The following NELFB variants were observed in gnomAD, a reference collection of about 807,000 sequenced individuals.
NELFB encodes negative elongation factor complex member B, also known as negative elongation factor B.
Under a neutral mutation model 60.2 loss-of-function variants are expected in NELFB, and 34 were observed. The observed-to-expected ratio is 0.56, with a 90% confidence interval of 0.43 to 0.75. The LOEUF is 0.75. NELFB is among the 30% of genes least tolerant of loss of function. The pLI is 0.00. For synonymous variants in NELFB, 459 were observed against 382.1 expected (o/e 1.20, Z -2.35); for missense variants, 770 against 831.6 (o/e 0.93, Z 0.91).
At chr9:137,260,401 T>A (rs758511825) in intron 4 of NELFB, among the ~76,000 whole-genome samples, 1,258 of 78,882 alleles carry the variant, frequency 0.016, 25 homozygotes, top group African/African-American at 0.039. Flanking sequence ...TTAAAATTTT[T>A]TTTATTTATT....
Position 137,273,239 on chromosome 9 carries a change from G to A in NELFB, c.*311G>A, listed in dbSNP as rs916909245. On this transcript the variant is annotated 3_prime_UTR_variant, in exon 13 of 13. Coordinates refer to ENST00000343053, the MANE Select transcript of NELFB (RefSeq NM_015456.5). ...TTTCCAAGGGGAGAGGGCGGGGCCT[G>A]AGGGTGGGGGCGGGGCCTCTTCATT... 2 of 305,256 alleles carry A rather than the reference G, an allele frequency of 6.6e-6. No individual in the cohort carries two copies. Among genetic ancestry groups the A allele is most frequent in the African/African-American group, 4.3e-5 (2 of 46,096 alleles). The allele number at this position is 305,256 out of a possible 1,614,324, so 18.9% of individuals were successfully genotyped here. A position where few individuals can be genotyped will look rare whatever the true frequency, so the allele number is the denominator to read the frequency against.
intron 7 of NELFB, 70 bp downstream of exon 7, chr9:137,266,049 G>A (rs1355362818): frequency 8.0e-7 from 1 of 1,246,240 alleles, no homozygotes; most frequent in African/African-American, 1.5e-5. Context: ...GGGTGGTCAG[G>A]GTGTGGACAG....
chr9:137,272,192 T>C lies in NELFB; in HGVS notation c.1601T>C (p.Phe534Ser). ...CTTGAGGACTTCTGCAGCAGCCTCT[T>C]CGATGGCTTCTTCCTCACCGCCTCT... Residue 534 changes from phenylalanine (F) to serine (S), a missense_variant, in exon 11 of 13, where the codon TTC (phenylalanine) becomes TCC (serine). Phe to Ser is a radical substitution (Grantham distance 155, BLOSUM62 -2). Transcript: ENST00000343053. 2 of 1,614,182 alleles carry C rather than the reference T, an allele frequency of 1.2e-6. No individual in the cohort carries two copies. Among genetic ancestry groups the C allele is most frequent in the Non-Finnish European group, 1.7e-6 (2 of 1,180,016 alleles).
intron 5 of NELFB, among the ~76,000 whole-genome samples, 155 bp from the exon 6 acceptor site, chr9:137,264,090 G>T (rs1830489631): frequency 6.6e-6 from 1 of 152,208 alleles, no homozygotes; most frequent in Non-Finnish European, 1.5e-5. Context: ...GAGGTGTGGG[G>T]AACACTGCAC....
chr9:137,258,448 A>G (rs1837592020), intron 4 of NELFB, among the ~76,000 whole-genome samples: 1 of 145,518 alleles, frequency 6.9e-6, no homozygotes, highest in African/African-American at 2.5e-5. Flanking sequence ...TTAATTAGCC[A>G]ATTTTTTTTT....
At chr9:137,271,938 G>GC in intron 10 of NELFB, 143 bp from the exon 11 acceptor site, 2 of 1,063,950 alleles carry the variant, frequency 1.9e-6, no homozygotes, top group Non-Finnish European at 2.7e-6. Context: ...CACCTGCTGA[G>GC]ACCCTGTGCT....
rs1431448557 is a variant in NELFB, at chr9:137,264,504, A to G, written c.1040+147A>G. On this transcript the variant is annotated intron_variant, in intron 6 of 12. Coordinates refer to ENST00000343053, the MANE Select transcript of NELFB (RefSeq NM_015456.5). ...TTTTCGAGACAGAGTCTCGTTCTGT[A>G]GCCCAGGATGGAGTGCAGTGGTGCA... The G allele has an allele frequency of 1.3e-5, 8 of 636,606 alleles. No homozygotes were observed. The East Asian group carries it at 2.0e-4, about 16-fold the overall frequency. 39.4% of individuals were successfully genotyped at this position (636,606 alleles called of 1,614,324 possible). A position where few individuals can be genotyped will look rare whatever the true frequency, so the allele number is the denominator to read the frequency against.
rs1191052270 is a variant in NELFB, at chr9:137,272,541, C to T, written c.1666C>T (p.Leu556Phe). The change falls in exon 12 of 13, where the codon CTC (leucine) becomes TTC (phenylalanine). Residue 556 changes from leucine to phenylalanine, a missense_variant. Physicochemically the swap from Leu to Phe is conservative, Grantham distance 22. Coordinates refer to ENST00000343053, the MANE Select transcript of NELFB (RefSeq NM_015456.5). Reference sequence around the variant, plus strand: ...CGTGCACCGGCACGCGCTGCGGCTCCTCATTCACCTGCACCCCAGGGTGGC... The same window carrying T: ...CGTGCACCGGCACGCGCTGCGGCTCTTCATTCACCTGCACCCCAGGGTGGC... 2 of 1,612,436 alleles carry T rather than the reference C, an allele frequency of 1.2e-6. No individual in the cohort carries two copies. The highest frequency in any genetic ancestry group is 1.7e-6 in the Non-Finnish European group (2 of 1,179,662).
intron 4 of NELFB, among the ~76,000 whole-genome samples, chr9:137,259,415 C>A (rs1830396026): frequency 6.6e-6 from 1 of 152,146 alleles, no homozygotes; most frequent in Non-Finnish European, 1.5e-5. Context: ...GTCCTCCCTT[C>A]CCTGTTTGTT....
chr9:137,264,267 G>A lies in NELFB; in HGVS notation c.950G>A (p.Cys317Tyr). The A allele has an allele frequency of 1.3e-6, 2 of 1,598,754 alleles. No homozygotes were observed. The highest frequency in any genetic ancestry group is 1.7e-6 in the Non-Finnish European group (2 of 1,173,910). ...CAGTTCACCTGGTGCCTGGACGCCT[G>A]CATCCGAGAGCGGTTCGTGGACAGC... The change falls in exon 6 of 13, where the codon TGC becomes TAC. Residue 317 changes from cysteine to tyrosine, a missense_variant. Physicochemically the swap from Cys to Tyr is radical, Grantham distance 194 (BLOSUM62 -2). Coordinates refer to ENST00000343053, the MANE Select transcript of NELFB (RefSeq NM_015456.5).
rs1313283803 is a variant in NELFB at position 137,264,321 on chromosome 9, T to C, written c.1004T>C (p.Leu335Pro). ...AGGGCGCGGGAGCTGCAGGGGTTTC[T>C]CGATGGCGTCAAGAAGGGCCAGGAG... The change falls in exon 6 of 13, where the codon CTC becomes CCC. Residue 335 changes from leucine to proline, a missense_variant. Coordinates refer to ENST00000343053, the MANE Select transcript of NELFB (RefSeq NM_015456.5). The C allele has an allele frequency of 2.5e-6, 4 of 1,601,196 alleles. No individual in the cohort carries two copies. The African/African-American group carries it at 5.3e-5, about 21-fold the overall frequency.
In NELFB at chr9:137,255,469, G is replaced by C. The variant is rs567052045; in HGVS notation, c.104G>C (p.Gly35Ala). The C allele has an allele frequency of 3.0e-4, 447 of 1,510,720 alleles. No individual in the cohort carries two copies. In the African/African-American group the frequency reaches 5.8e-3, roughly 20 times the overall value. 93.6% of individuals were successfully genotyped at this position (1,510,720 alleles called of 1,614,324 possible). ...GCGGCGGCGCCGGGGGAACGGGCTG[G>C]GGATGGGGCGCCTAGCCGGGCGGTG... Residue 35 changes from glycine to alanine, a missense_variant, in exon 1 of 13, where the codon GGG becomes GCG. Physicochemically the swap from Gly to Ala is moderately conservative, Grantham distance 60. Transcript: ENST00000343053.
At chr9:137,264,078 G>A (rs865962650) in intron 5 of NELFB, among the ~76,000 whole-genome samples, 167 bp from the exon 6 acceptor site, 5 of 152,214 alleles carry the variant, frequency 3.3e-5, no homozygotes, top group Admixed American at 6.5e-5. Context: ...TGCTTTGGCC[G>A]GGAGGTGTGG....
chr9:137,273,001 G>T lies in NELFB; in HGVS notation c.*73G>T. The T allele has an allele frequency of 7.0e-7, 1 of 1,420,734 alleles. No homozygotes were observed. The highest frequency in any genetic ancestry group is 9.3e-7 in the Non-Finnish European group (1 of 1,072,664). 88.0% of individuals were successfully genotyped at this position (1,420,734 alleles called of 1,614,324 possible). A position where few individuals can be genotyped will look rare whatever the true frequency, so the allele number is the denominator to read the frequency against. ...CCTGCTCAGCCGGAAGAGGCTCCCG[G>T]ACCTGGATGTACAGGGCAGTCTCTC... On this transcript the variant is annotated 3_prime_UTR_variant, in exon 13 of 13. Coordinates refer to ENST00000343053, the MANE Select transcript of NELFB (RefSeq NM_015456.5).
rs983868012 is a variant in NELFB, at chr9:137,269,344, T to C, written c.1489+1998T>C. On this transcript the variant is annotated intron_variant, in intron 10 of 12. Transcript: ENST00000343053. This position sits in a 1 kb window ranked among gnomAD's most constrained non-coding sequence, Gnocchi z 5.3. ...TGCGGGTGCCAACACTGCCGCTCCT[T>C]CTGGAGGCTCAGGGAGGCTCTTGAG... Among the ~76,000 whole-genome samples, 1 of 152,104 alleles carries C rather than the reference T, an allele frequency of 6.6e-6. No homozygotes were observed. The highest frequency in any genetic ancestry group is 1.9e-4 in the East Asian group (1 of 5,190).
intron 6 of NELFB, among the ~76,000 whole-genome samples, chr9:137,264,969 A>G (rs1252909876): frequency 6.6e-6 from 1 of 150,698 alleles, no homozygotes; most frequent in Non-Finnish European, 1.5e-5. Flanking sequence ...GCTTTCCAGC[A>G]TCCTCTGGCT....
intron 4 of NELFB, among the ~76,000 whole-genome samples, chr9:137,257,485 G>A (rs1389269869): frequency 6.9e-5 from 10 of 145,198 alleles, no homozygotes; most frequent in Non-Finnish European, 1.1e-4. Context: ...ACCATGCCTG[G>A]CTAATTTTTT....
In NELFB at chr9:137,272,634, T is replaced by C; in HGVS notation, c.1740+19T>C. The C allele has an allele frequency of 6.4e-7, 1 of 1,568,984 alleles. No individual in the cohort carries two copies. Among genetic ancestry groups the C allele is most frequent in the Non-Finnish European group, 8.6e-7 (1 of 1,156,834 alleles). On this transcript the variant is annotated intron_variant, in intron 12 of 12. Coordinates refer to ENST00000343053, the MANE Select transcript of NELFB (RefSeq NM_015456.5). ...AGGCCAGGTGGGTGCCCGGGGGGGC[T>C]GCATCTGAAGGCACCTGGTCCCTAC...
intron 7 of NELFB, 145 bp downstream of exon 7, chr9:137,266,124 G>A: frequency 1.3e-6 from 1 of 786,216 alleles, no homozygotes. Context: ...CTGGTGGTCG[G>A]GGATGTGGAC....
Sources: allele counts gnomAD v4.1 joint callset (sites outside exome capture counted in the v4.1 genomes callset), GRCh38; gene constraint gnomAD v4.1.1; non-coding constraint Gnocchi (gnomAD v3.1); transcripts MANE v1.5; gene names NCBI Gene and HGNC (gene_info 2026-07-23, HGNC 2026-07-21).